POU6F2: variants seen among roughly 807,000 people sequenced by gnomAD.
The protein encoded by POU6F2 is POU domain, class 6, transcription factor 2.
POU6F2 carries 31 observed loss-of-function variants against 71.3 expected under a neutral mutation model. The ratio of observed to expected loss-of-function variants is 0.43; its 90% CI spans 0.33 to 0.59. POU6F2 has a LOEUF of 0.59. Among genes scored for constraint, POU6F2 ranks in the 20% least tolerant of loss-of-function variants. The probability of loss-of-function intolerance (pLI) is 0.04; values close to 1 mark genes in which losing one functional copy is unlikely to be tolerated. For synonymous variants in POU6F2, 347 were observed against 355.7 expected (o/e 0.98, Z 0.27); for missense variants, 783 against 856.8 (o/e 0.91, Z 1.07).
intron 4 of POU6F2, among the ~76,000 whole-genome samples, chr7:39,252,478 T>C (rs955626485): frequency 2.0e-5 from 3 of 151,082 alleles, no homozygotes; most frequent in Non-Finnish European, 4.4e-5. Context: ...GAATAAAATC[T>C]AACTAACCAA....
At chr7:39,217,821 G>T (rs566796878) in intron 4 of POU6F2, among the ~76,000 whole-genome samples, 1 of 152,244 alleles carries the variant, frequency 6.6e-6, no homozygotes, top group South Asian at 2.1e-4. Context: ...CTGTTCTGTA[G>T]TACATTATCC....
At chr7:39,049,811 C>G (rs1225016864) in intron 1 of POU6F2, among the ~76,000 whole-genome samples, 1 of 151,842 alleles carries the variant, frequency 6.6e-6, no homozygotes, top group Non-Finnish European at 1.5e-5. Context: ...AATAATTTCC[C>G]TTAATTATTT....
At chr7:39,312,709 A>G (rs767610511) in intron 4 of POU6F2, among the ~76,000 whole-genome samples, 1 of 152,230 alleles carries the variant, frequency 6.6e-6, no homozygotes, top group Admixed American at 6.5e-5. Flanking sequence ...CGAGGCCACT[A>G]TTAAGTAAAG....
chr7:39,132,849 C>T (rs1299533435), intron 2 of POU6F2, among the ~76,000 whole-genome samples: 1 of 152,108 alleles, frequency 6.6e-6, no homozygotes, highest in Non-Finnish European at 1.5e-5. Flanking sequence ...GTACTTCACT[C>T]TGGAACACAT....
intron 4 of POU6F2, among the ~76,000 whole-genome samples, chr7:39,215,645 T>C (rs1562750327): frequency 6.6e-6 from 1 of 152,170 alleles, no homozygotes; most frequent in Admixed American, 6.5e-5. Context: ...AAAGAGTTCC[T>C]TAATGCACAT....
At chr7:39,040,101 G>GTATTATATATGTA (rs1562681848) in intron 1 of POU6F2, among the ~76,000 whole-genome samples, 7 of 9,056 alleles carry the variant, frequency 7.7e-4, no homozygotes, top group African/African-American at 2.8e-3. Context: ...TTATATATAT[G>GTATTATATATGTA]TATATATTAT....
At chr7:39,087,140 CTTTATTAATTAATTAATTAATTTA>C (rs1464883489) in intron 2 of POU6F2, among the ~76,000 whole-genome samples, 11 of 110,696 alleles carry the variant, frequency 9.9e-5, no homozygotes, top group African/African-American at 4.2e-4. Flanking sequence ...GAAACACAGG[CTTTATTAATTAATTAATTAATTTA>C]TTTATTTATT....
intron 1 of POU6F2, chr7:39,006,725 C>A: frequency 1.1e-6 from 1 of 929,904 alleles, no homozygotes; most frequent in Non-Finnish European, 1.8e-6. Context: ...GCAATGTCAT[C>A]ATTTAAATAA....
At chr7:39,187,284 C>A (rs909665597) in intron 2 of POU6F2, among the ~76,000 whole-genome samples, 6 of 152,196 alleles carry the variant, frequency 3.9e-5, no homozygotes, top group Non-Finnish European at 8.8e-5. Context: ...TAGATCCCTG[C>A]CTGGGGCTGG....
intron 1 of POU6F2, among the ~76,000 whole-genome samples, chr7:39,019,358 G>T (rs762301881): frequency 2.6e-5 from 4 of 152,120 alleles, no homozygotes; most frequent in Non-Finnish European, 5.9e-5. Flanking sequence ...CTCTTTGGAA[G>T]CTTTTAGGAC....
At chr7:39,108,280 T>TC (rs1413980848) in intron 2 of POU6F2, among the ~76,000 whole-genome samples, 2 of 150,116 alleles carry the variant, frequency 1.3e-5, no homozygotes, top group Non-Finnish European at 3.0e-5. Flanking sequence ...CTTCAATTAT[T>TC]TTTTTTTTTG....
intron 4 of POU6F2, among the ~76,000 whole-genome samples, chr7:39,253,046 T>C (rs1783957279): frequency 6.6e-6 from 1 of 152,210 alleles, no homozygotes; most frequent in Non-Finnish European, 1.5e-5. Context: ...ATAGTGGGCA[T>C]TCCATGAACG....
intron 1 of POU6F2, among the ~76,000 whole-genome samples, chr7:39,016,064 A>ATATATATTATATATTATATATATT (rs1346848053): frequency 5.9e-5 from 2 of 33,764 alleles, no homozygotes; most frequent in Admixed American, 3.8e-4. Context: ...TATTATATAT[A>ATATATATTATATATTATATATATT]ATATATAGAT....
At chr7:39,080,313 C>A (rs1278043439) in intron 1 of POU6F2, among the ~76,000 whole-genome samples, 1 of 152,090 alleles carries the variant, frequency 6.6e-6, no homozygotes, top group Non-Finnish European at 1.5e-5. Flanking sequence ...TAATGATATT[C>A]ATACTTGAAG....
intron 2 of POU6F2, among the ~76,000 whole-genome samples, chr7:39,147,244 T>C (rs1390960575): frequency 6.6e-6 from 1 of 152,200 alleles, no homozygotes; most frequent in African/African-American, 2.4e-5. Flanking sequence ...GCCACACTTT[T>C]AATGGCAAAA....
intron 7 of POU6F2, among the ~76,000 whole-genome samples, chr7:39,448,507 A>G (rs1429854020): frequency 6.6e-6 from 1 of 152,232 alleles, no homozygotes; most frequent in Non-Finnish European, 1.5e-5. Flanking sequence ...TTAGATTCTT[A>G]GACATCTTAG....
chr7:39,119,208 T>C (rs993113751), intron 2 of POU6F2, among the ~76,000 whole-genome samples: 3 of 152,144 alleles, frequency 2.0e-5, no homozygotes, highest in Non-Finnish European at 4.4e-5. Flanking sequence ...AATAGAACCC[T>C]GGGATGCCCC....
At chr7:39,366,897 G>A (rs548562087) in intron 5 of POU6F2, among the ~76,000 whole-genome samples, 2 of 152,160 alleles carry the variant, frequency 1.3e-5, no homozygotes, top group East Asian at 3.9e-4. Context: ...GCACAAACAG[G>A]GATACAAGAT....
intron 4 of POU6F2, among the ~76,000 whole-genome samples, chr7:39,268,143 G>A (rs1784282864): frequency 6.6e-6 from 1 of 152,172 alleles, no homozygotes; most frequent in South Asian, 2.1e-4. Flanking sequence ...TCTGCATAGG[G>A]AGATGTGGCA....
Sources: allele counts gnomAD v4.1 joint callset (sites outside exome capture counted in the v4.1 genomes callset), GRCh38; gene constraint gnomAD v4.1.1; transcripts MANE v1.5; gene names NCBI Gene and HGNC (gene_info 2026-07-23, HGNC 2026-07-21).